Variants in EBF1 observed in about 807,000 individuals in gnomAD.
The protein encoded by EBF1 is transcription factor COE1.
EBF1 carries 10 observed loss-of-function variants against 68.4 expected under a neutral mutation model. The ratio of observed to expected loss-of-function variants is 0.15; its 90% CI spans 0.09 to 0.25. The LOEUF (loss-of-function observed/expected upper bound fraction) is 0.25. EBF1 is among the 10% of genes least tolerant of loss of function. EBF1 has a pLI of 1.00. For synonymous variants in EBF1, 298 were observed against 299.8 expected (o/e 0.99, Z 0.06); for missense variants, 509 against 794.4 (o/e 0.64, Z 4.32).
At chr5:159,090,802 A>G (rs1254364260) in intron 4 of EBF1, among the ~76,000 whole-genome samples, 2 of 126,818 alleles carry the variant, frequency 1.6e-5, no homozygotes, top group African/African-American at 5.8e-5. Context: ...TGTCAACCCA[A>G]TGGGGTAATA....
chr5:158,845,565 T>C (rs1333137286), intron 6 of EBF1, among the ~76,000 whole-genome samples: 1 of 152,156 alleles, frequency 6.6e-6, no homozygotes, highest in East Asian at 1.9e-4. Flanking sequence ...TGGCAACTGC[T>C]CACTGCCTAG....
At chr5:159,080,643 A>G (rs1449234755) in intron 5 of EBF1, among the ~76,000 whole-genome samples, 1 of 152,122 alleles carries the variant, frequency 6.6e-6, no homozygotes, top group Non-Finnish European at 1.5e-5. Context: ...TAATACAAAT[A>G]CTCTTACTAT....
chr5:158,916,882 C>A (rs936003900), intron 6 of EBF1, among the ~76,000 whole-genome samples: 1 of 152,208 alleles, frequency 6.6e-6, no homozygotes, highest in Non-Finnish European at 1.5e-5. Context: ...CCCTTCCATG[C>A]AATAAGCAGG....
rs147780006 is a variant in EBF1, at chr5:158,703,542, T to TTTTA, written c.1745-4404_1745-4401dup. ...TTCTAAATGTTTTTGACTACCATAT[T>TTTTA]TTTATTTTTTAACAGGACATTTTGT... On this transcript the variant is annotated intron_variant, in intron 15 of 15. Transcript: ENST00000313708. Among the ~76,000 whole-genome samples, 537 of 152,140 alleles carry TTTTA rather than the reference T, an allele frequency of 3.5e-3. 27 individuals are homozygous for TTTTA. In the East Asian group the frequency reaches 0.091, roughly 26 times the overall value.
At chr5:158,980,714 A>G (rs890478712) in intron 6 of EBF1, among the ~76,000 whole-genome samples, 16 of 152,238 alleles carry the variant, frequency 1.1e-4, no homozygotes, top group African/African-American at 3.1e-4. Flanking sequence ...AATCTGTTTT[A>G]TTTTCTGCTA....
At chr5:158,879,953 C>T (rs911624792) in intron 6 of EBF1, among the ~76,000 whole-genome samples, 1 of 152,102 alleles carries the variant, frequency 6.6e-6, no homozygotes, top group Non-Finnish European at 1.5e-5. Context: ...GTTTAGAGAT[C>T]GCCTGGTACA....
chr5:158,871,801 A>G (rs1038950838), intron 6 of EBF1, among the ~76,000 whole-genome samples: 5 of 152,242 alleles, frequency 3.3e-5, no homozygotes, highest in Non-Finnish European at 7.3e-5. Context: ...AACCTTCCTC[A>G]GACCTAGCCT....
chr5:159,031,443 A>G (rs971888444), intron 6 of EBF1, among the ~76,000 whole-genome samples: 2 of 143,632 alleles, frequency 1.4e-5, no homozygotes, highest in Non-Finnish European at 3.0e-5. Context: ...AATGCCCAGC[A>G]TATGCATATG....
At chr5:158,822,566 T>C (rs190979121) in intron 8 of EBF1, among the ~76,000 whole-genome samples, 3 of 152,304 alleles carry the variant, frequency 2.0e-5, no homozygotes, top group East Asian at 1.9e-4. Context: ...CAAAGTCTAC[T>C]TACAGACAGC....
intron 4 of EBF1, among the ~76,000 whole-genome samples, chr5:159,090,075 C>G (rs1222513100): frequency 6.6e-6 from 1 of 151,948 alleles, no homozygotes; most frequent in Non-Finnish European, 1.5e-5. Flanking sequence ...CACAAAGTAC[C>G]TGCTGTAACC....
chr5:158,706,166 C>T (rs1262222693), intron 15 of EBF1, among the ~76,000 whole-genome samples: 1 of 150,640 alleles, frequency 6.6e-6, no homozygotes, highest in East Asian at 1.9e-4. Context: ...AGTAATATTG[C>T]CTGAAATGCA....
At chr5:158,913,535 T>G (rs1806468136) in intron 6 of EBF1, among the ~76,000 whole-genome samples, 1 of 152,202 alleles carries the variant, frequency 6.6e-6, no homozygotes, top group African/African-American at 2.4e-5. Flanking sequence ...AGGAGAAAGC[T>G]GGGTACTGCA....
intron 4 of EBF1, among the ~76,000 whole-genome samples, chr5:159,087,755 A>G (rs1223470485): frequency 6.6e-6 from 1 of 152,154 alleles, no homozygotes; most frequent in African/African-American, 2.4e-5. Flanking sequence ...CTTTGCCTCC[A>G]TGATACATCT....
At chr5:158,960,023 CAT>C (rs1251296417) in intron 6 of EBF1, among the ~76,000 whole-genome samples, 5 of 152,114 alleles carry the variant, frequency 3.3e-5, no homozygotes, top group Non-Finnish European at 2.9e-5. Flanking sequence ...GTCTGGAAGA[CAT>C]AATACCACAC....
intron 4 of EBF1, among the ~76,000 whole-genome samples, chr5:159,085,204 G>A (rs949385462): frequency 1.3e-5 from 2 of 152,172 alleles, no homozygotes; most frequent in African/African-American, 4.8e-5. Context: ...AACAAGTGTA[G>A]GTGAACTAAG....
At chr5:158,765,882 C>T (rs1329837522) in intron 10 of EBF1, among the ~76,000 whole-genome samples, 1 of 152,116 alleles carries the variant, frequency 6.6e-6, no homozygotes, top group Non-Finnish European at 1.5e-5. Context: ...TCAACTCATA[C>T]CAAGGATTGC....
At chr5:159,073,287 G>A (rs1584428863) in intron 6 of EBF1, 109 bp downstream of exon 6, 1 of 1,170,866 alleles carries the variant, frequency 8.5e-7, no homozygotes, top group South Asian at 1.3e-5. Flanking sequence ...ATGACCAACA[G>A]GCAAATTTCA....
At chr5:158,893,888 G>A (rs538912928) in intron 6 of EBF1, among the ~76,000 whole-genome samples, 26 of 152,280 alleles carry the variant, frequency 1.7e-4, no homozygotes, top group African/African-American at 5.8e-4. Flanking sequence ...CCAAATTACA[G>A]TTTCAAAATG....
chr5:158,883,890 T>C (rs1476079822), intron 6 of EBF1, among the ~76,000 whole-genome samples: 1 of 152,118 alleles, frequency 6.6e-6, no homozygotes, highest in East Asian at 1.9e-4. Flanking sequence ...GAGCCATATA[T>C]ACTACTAACA....
Sources: allele counts gnomAD v4.1 joint callset (sites outside exome capture counted in the v4.1 genomes callset), GRCh38; gene constraint gnomAD v4.1.1; transcripts MANE v1.5; gene names NCBI Gene and HGNC (gene_info 2026-07-23, HGNC 2026-07-21).